The following RELA variants were observed in gnomAD, a reference collection of about 807,000 sequenced individuals.
RELA encodes the protein RELA proto-oncogene, NF-kB subunit.
A neutral mutation model predicts 56.7 loss-of-function variants in RELA; 14 were observed. The observed-to-expected ratio is 0.25, with a 90% CI of 0.16 to 0.39. RELA has a LOEUF of 0.39. Ranked by LOEUF, RELA falls within the 10% of genes least tolerant of loss-of-function variation. The pLI is 1.00. For missense variants in RELA, 559 were observed against 736.4 expected, an observed-to-expected ratio of 0.76 and a Z score of 2.79; for synonymous variants, 315 against 289.7, an observed-to-expected ratio of 1.09 and a Z score of -0.89.
chr11:65,662,987 C>T (rs1412768738), upstream of RELA: 1 of 469,116 alleles, frequency 2.1e-6, no homozygotes, highest in Non-Finnish European at 3.1e-6. Flanking sequence ...CGCCGCCGCC[C>T]GGCGCAGGGG....
chr11:65,654,763 G>C lies in RELA; in HGVS notation c.1271C>G (p.Pro424Arg). Reference sequence around the variant, plus strand: ...CCCAGCCTGGGTGGGCTTGGGGGCAGGTGGGGCCACAGCCTGAGGAGGGCC... The same window carrying C: ...CCCAGCCTGGGTGGGCTTGGGGGCACGTGGGGCCACAGCCTGAGGAGGGCC... ...APGPPQAVAP[P>R]APKPTQAGEG... The change falls in exon 11 of 11, where the codon CCT becomes CGT. Residue 424 changes from proline (P) to arginine (R), a missense_variant. Coordinates refer to ENST00000406246, the MANE Select transcript of RELA (RefSeq NM_021975.4). 1 of 1,506,568 alleles carries C rather than the reference G, an allele frequency of 6.6e-7. No homozygotes were observed. The highest frequency in any genetic ancestry group is 8.9e-7 in the Non-Finnish European group (1 of 1,126,252). 93.3% of individuals were successfully genotyped at this position (1,506,568 alleles called of 1,614,324 possible).
intron 5 of RELA, 163 bp downstream of exon 5, chr11:65,659,961 T>C: frequency 1.7e-6 from 2 of 1,156,838 alleles, no homozygotes; most frequent in Non-Finnish European, 2.5e-6. Flanking sequence ...CTGAATGTCA[T>C]GTCCCCTCCT....
At chr11:65,661,477 G>T (rs1856564588) in intron 4 of RELA, 3 of 480,268 alleles carry the variant, frequency 6.2e-6, no homozygotes, top group Non-Finnish European at 1.1e-5. Context: ...AAGTGATTAG[G>T]GACCCATCCG....
At position 65,658,604 on chromosome 11, in the gene RELA, T is replaced by C; in HGVS notation, c.665-105A>G. The stretch of plus-strand genomic sequence containing the variant: ...CTGATACATCACCCTTCGGCCCACC[T>C]GAGGCCCCCGAGGCACAGGAGGAAG... On this transcript the variant is annotated intron_variant, in intron 7 of 10. Coordinates refer to ENST00000406246, the MANE Select transcript of RELA (RefSeq NM_021975.4). The surrounding 1 kb of genome is among the most constrained non-coding windows in gnomAD (Gnocchi z 4.5). 7.2e-7 allele frequency: 1 copy of C among 1,385,452 alleles called. No individual in the cohort carries two copies. Among genetic ancestry groups the C allele is most frequent in the South Asian group, 1.2e-5 (1 of 82,514 alleles). 85.8% of individuals were successfully genotyped at this position (1,385,452 alleles called of 1,614,324 possible).
At chr11:65,656,140 C>T (rs1180761633) in intron 8 of RELA, among the ~76,000 whole-genome samples, 1 of 152,162 alleles carries the variant, frequency 6.6e-6, no homozygotes, top group Non-Finnish European at 1.5e-5. Context: ...CTGAATCTGC[C>T]CCTCTAAGAC....
At position 65,655,638 on chromosome 11, in the gene RELA, C is replaced by A. The variant is rs778212037; in HGVS notation, c.1033+50G>T. ...AGTCTTCATCTCCACTGCTCCTCAG[C>A]TGAACAGAGCTGAACCTGTCGTTCC... is the stretch of plus-strand genomic sequence containing the variant. On this transcript the variant is annotated intron_variant, in intron 10 of 10. Transcript: ENST00000406246. 8.6e-5 allele frequency: 135 copies of A among 1,565,320 alleles called. No homozygotes were observed. In the East Asian group the frequency reaches 3.0e-3, roughly 35 times the overall value.
At position 65,655,927 on chromosome 11, in the gene RELA, G is replaced by C; in HGVS notation, c.886C>G (p.His296Asp). 1.2e-6 allele frequency: 2 copies of C among 1,614,070 alleles called. No individual in the cohort carries two copies. Among genetic ancestry groups the C allele is most frequent in the Non-Finnish European group, 1.7e-6 (2 of 1,180,000 alleles). The change falls in exon 9 of 11, where the codon CAC (histidine) becomes GAC (aspartate). Residue 296 changes from histidine (H) to aspartate (D), a missense_variant. This residue lies in a region of RELA where 365 missense variants were observed against 387.5 expected (regional missense o/e 0.94). Coordinates refer to ENST00000406246, the MANE Select transcript of RELA (RefSeq NM_021975.4). ...CTTTTACGTTTCTCCTCAATCCGGT[G>C]ACGATCGTCTGGGAAAGTAAGGGGG... ...FQYLPDTDDR[H>D]RIEEKRKRTY...
chr11:65,661,712 G>A lies in RELA; in HGVS notation c.310C>T (p.Leu104Phe), dbSNP rs773613820. ...DCRDGFYEAE[L>F]CPDRCIHSFQ... ...CTGTGGATGCAGCGGTCCGGGCAGA[G>A]CTCAGCCTCATAGAAGCCATCCCGG... The change falls in exon 4 of 11, where the codon CTC becomes TTC. Residue 104 changes from leucine (L) to phenylalanine (F), a missense_variant. Leu to Phe is a conservative substitution (Grantham distance 22). Coordinates refer to ENST00000406246, the MANE Select transcript of RELA (RefSeq NM_021975.4). 1 of 1,608,734 alleles carries A rather than the reference G, an allele frequency of 6.2e-7. No individual in the cohort carries two copies. The highest frequency in any genetic ancestry group is 8.5e-7 in the Non-Finnish European group (1 of 1,176,958).
intron 6 of RELA, among the ~76,000 whole-genome samples, chr11:65,659,157 A>G (rs1180850720): frequency 6.6e-6 from 1 of 152,150 alleles, no homozygotes; most frequent in Non-Finnish European, 1.5e-5. Flanking sequence ...AGGCCAGTCC[A>G]TACCCACCTT....
chr11:65,662,933 C>G (rs889786000), upstream of RELA: 2 of 995,290 alleles, frequency 2.0e-6, no homozygotes, highest in Non-Finnish European at 2.5e-6. Context: ...CGCGGCCCGC[C>G]GTCGCGTCAC....
At chr11:65,659,233 C>T (rs961133978) in intron 6 of RELA, among the ~76,000 whole-genome samples, 6 of 152,170 alleles carry the variant, frequency 3.9e-5, no homozygotes, top group African/African-American at 9.7e-5. Flanking sequence ...GCTCCAGATT[C>T]GTTTTATTTC....
intron 10 of RELA, 161 bp downstream of exon 10, chr11:65,655,527 G>T: frequency 3.0e-6 from 2 of 656,020 alleles, no homozygotes; most frequent in Non-Finnish European, 5.4e-6. Context: ...CCAGGCTTCA[G>T]TGTGCATTAG....
In RELA at chr11:65,654,543, A is replaced by G. The variant is rs750646324; in HGVS notation, c.1491T>C (p.Pro497=). 41 of 1,612,880 alleles carry G rather than the reference A, an allele frequency of 2.5e-5. No individual in the cohort carries two copies. Among genetic ancestry groups the G allele is most frequent in the Non-Finnish European group, 3.1e-5 (37 of 1,179,606 alleles). ...HTTEPMLMEY[P]EAITRLVTGA... ...CTGTCACTAGGCGAGTTATAGCCTC[A>G]GGGTACTCCATCAGCATGGGCTCAG... The change falls in exon 11 of 11, where the codon CCT becomes CCC. Residue 497 remains proline (P), a synonymous_variant. Coordinates refer to ENST00000406246, the MANE Select transcript of RELA (RefSeq NM_021975.4).
In RELA at chr11:65,653,737, T is replaced by C. The variant is rs1033089132; in HGVS notation, c.*641A>G. ...CCCCACTCTTAACAACTTACCCTAC[T>C]ATTAAGGCACTTGAGAAGAGGGAGA... On this transcript the variant is annotated 3_prime_UTR_variant, in exon 11 of 11. Transcript: ENST00000406246. 6.5e-6 allele frequency: 1 copy of C among 154,100 alleles called. No individual in the cohort carries two copies. The highest frequency in any genetic ancestry group is 2.4e-5 in the African/African-American group (1 of 41,428). The allele number at this position is 154,100 out of a possible 1,614,324, so 9.5% of individuals were successfully genotyped here.
chr11:65,660,074 C>G (rs756398118), intron 5 of RELA, 50 bp downstream of exon 5: 1 of 1,553,658 alleles, frequency 6.4e-7, no homozygotes, highest in Non-Finnish European at 8.9e-7. Context: ...GAAAGGCGGG[C>G]TGGGGAGGGT....
Position 65,658,353 on chromosome 11 carries a change from G to T in RELA, c.811C>A (p.Gln271Lys). ...TCCCGGTCGGAAGGCCGCCGCAGCT[G>T]CATGGAGACACGCACAGGAGCCTGC... is the stretch of plus-strand genomic sequence containing the variant. ...SLQAPVRVSM[Q>K]LRRPSDRELS... The change falls in exon 8 of 11, where the codon CAG (glutamine) becomes AAG (lysine). Residue 271 changes from glutamine to lysine, a missense_variant. Physicochemically the swap from Gln to Lys is moderately conservative, Grantham distance 53 (BLOSUM62 1). Transcript: ENST00000406246. The surrounding 1 kb of genome is among the most constrained non-coding windows in gnomAD (Gnocchi z 4.5). The T allele has an allele frequency of 1.2e-6, 2 of 1,613,648 alleles. No individual in the cohort carries two copies. The highest frequency in any genetic ancestry group is 1.7e-6 in the Non-Finnish European group (2 of 1,179,870).
intron 8 of RELA, among the ~76,000 whole-genome samples, chr11:65,656,229 T>C (rs1217552150): frequency 6.6e-6 from 1 of 152,180 alleles, no homozygotes; most frequent in Non-Finnish European, 1.5e-5. Flanking sequence ...AGCTCACACC[T>C]TCCTGCACTG....
Position 65,658,666 on chromosome 11 carries a change from C to T in RELA, c.664+52G>A. On this transcript the variant is annotated intron_variant, in intron 7 of 10. Coordinates refer to ENST00000406246, the MANE Select transcript of RELA (RefSeq NM_021975.4). This position sits in a 1 kb window ranked among gnomAD's most constrained non-coding sequence, Gnocchi z 4.5. ...AGTTACCTGACACTCCACTTCTCTG[C>T]TCAGCTTCACCCCTTGCTCCCAAGA... is the stretch of plus-strand genomic sequence containing the variant. 1 of 1,546,148 alleles carries T rather than the reference C, an allele frequency of 6.5e-7. No individual in the cohort carries two copies. The highest frequency in any genetic ancestry group is 8.9e-7 in the Non-Finnish European group (1 of 1,119,176).
At chr11:65,662,674 C>CG in intron 1 of RELA, 152 bp downstream of exon 1, 1 of 518,344 alleles carries the variant, frequency 1.9e-6, no homozygotes, top group Non-Finnish European at 2.9e-6. Flanking sequence ...CCCCTCCCCG[C>CG]CTGCCCCGCC....
Sources: allele counts gnomAD v4.1 joint callset (sites outside exome capture counted in the v4.1 genomes callset), GRCh38; gene constraint gnomAD v4.1.1; regional missense constraint gnomAD v4.1.1; non-coding constraint Gnocchi (gnomAD v3.1); transcripts MANE v1.5; gene names NCBI Gene and HGNC (gene_info 2026-07-23, HGNC 2026-07-21).